Variants in GNG7 observed in about 807,000 individuals in gnomAD.
GNG7 encodes guanine nucleotide-binding protein G(I)/G(S)/G(O) subunit gamma-7.
In GNG7, 1 loss-of-function variant was observed where a neutral mutation model predicts 4.0. The ratio of observed to expected loss-of-function variants is 0.25; its 90% CI spans 0.09 to 1.18. GNG7 has a LOEUF of 1.18. Among genes scored for constraint, GNG7 ranks in the 50% most tolerant of loss-of-function variants. GNG7 has a pLI of 0.50. For synonymous variants in GNG7, 34 were observed against 36.9 expected (o/e 0.92, Z 0.29); for missense variants, 86 against 91.9 (o/e 0.94, Z 0.26).
intron 2 of GNG7, among the ~76,000 whole-genome samples, chr19:2,581,323 A>T (rs1324389709): frequency 4.8e-4 from 1 of 2,104 alleles, no homozygotes; most frequent in Non-Finnish European, 1.1e-3. Context: ...TGGAGGGGTG[A>T]TGGGGGTGGG....
chr19:2,681,874 T>C (rs1983744939), intron 1 of GNG7, among the ~76,000 whole-genome samples: 1 of 152,214 alleles, frequency 6.6e-6, no homozygotes, highest in Admixed American at 6.5e-5. Flanking sequence ...TGAGGACTGA[T>C]GCGGAGCATG....
rs77158403 is a variant in GNG7 at position 2,629,035 on chromosome 19, G to T, written c.-78+17189C>A. ...TCTGCCTAGGACTGTAGCTGTAAAA[G>T]ACATGGTGGCCATTGCTGCTGTAGG... On this transcript the variant is annotated intron_variant, in intron 2 of 4. Transcript: ENST00000382159. Among the ~76,000 whole-genome samples, 841 of 152,274 alleles carry T rather than the reference G, an allele frequency of 5.5e-3. 27 individuals are homozygous for T. The East Asian group carries it at 0.1, about 19-fold the overall frequency.
chr19:2,580,230 C>A (rs1980462299), intron 2 of GNG7, among the ~76,000 whole-genome samples: 1 of 152,154 alleles, frequency 6.6e-6, no homozygotes, highest in Admixed American at 6.5e-5. Flanking sequence ...CCCTTCATGC[C>A]TCTCTGTCTA....
At chr19:2,621,719 A>G (rs1049791978) in intron 2 of GNG7, among the ~76,000 whole-genome samples, 1 of 151,986 alleles carries the variant, frequency 6.6e-6, no homozygotes, top group Non-Finnish European at 1.5e-5. Flanking sequence ...AAACAAACAA[A>G]CAAAAACAAA....
intron 2 of GNG7, among the ~76,000 whole-genome samples, chr19:2,573,488 A>G (rs916786645): frequency 6.6e-6 from 1 of 152,094 alleles, no homozygotes; most frequent in Admixed American, 6.6e-5. Flanking sequence ...GCTTCCGACA[A>G]GCTGCTTCTG....
intron 1 of GNG7, among the ~76,000 whole-genome samples, chr19:2,663,434 C>A (rs1983229074): frequency 6.6e-6 from 1 of 151,952 alleles, no homozygotes; most frequent in Non-Finnish European, 1.5e-5. Context: ...AGAAGGCCCT[C>A]ACCAGATGCC....
At chr19:2,540,619 C>T (rs1420707866) in intron 3 of GNG7, among the ~76,000 whole-genome samples, 3 of 152,128 alleles carry the variant, frequency 2.0e-5, no homozygotes, top group African/African-American at 4.8e-5. Context: ...GGAGATTTTG[C>T]GGGGACCCTG....
chr19:2,577,645 G>A (rs1470695628), intron 2 of GNG7, among the ~76,000 whole-genome samples: 1 of 147,652 alleles, frequency 6.8e-6, no homozygotes, highest in Non-Finnish European at 1.5e-5. Flanking sequence ...AGGTTGCAGT[G>A]AGCCGAGATC....
chr19:2,694,224 G>A (rs1480013727), intron 1 of GNG7, among the ~76,000 whole-genome samples: 4 of 148,596 alleles, frequency 2.7e-5, no homozygotes, highest in African/African-American at 1.0e-4. Flanking sequence ...AGATTTTTTT[G>A]TTGCTTTTTT....
intron 2 of GNG7, chr19:2,642,678 A>G (rs1010699851): frequency 2.5e-6 from 1 of 401,898 alleles, no homozygotes; most frequent in Non-Finnish European, 5.0e-6. Context: ...TTTTCTGTAG[A>G]GTTTAGGATA....
intron 2 of GNG7, among the ~76,000 whole-genome samples, chr19:2,562,879 C>T (rs1398918305): frequency 2.0e-5 from 3 of 152,188 alleles, no homozygotes; most frequent in Non-Finnish European, 4.4e-5. Flanking sequence ...TTTACACCAT[C>T]GGCCCCATCG....
intron 2 of GNG7, among the ~76,000 whole-genome samples, chr19:2,577,096 G>A (rs551858082): frequency 5.3e-5 from 8 of 152,356 alleles, no homozygotes; most frequent in African/African-American, 1.4e-4. Context: ...GGTCCACCTC[G>A]CAAGCTGGGG....
Position 2,511,991 on chromosome 19 carries a change from G to A in GNG7, c.*3031C>T. The A allele has an allele frequency of 3.0e-6, 3 of 985,920 alleles. No individual in the cohort carries two copies. Among genetic ancestry groups the A allele is most frequent in the Non-Finnish European group, 3.6e-6 (3 of 829,962 alleles). The allele number at this position is 985,920 out of a possible 1,614,324, so 61.1% of individuals were successfully genotyped here. On this transcript the variant is annotated 3_prime_UTR_variant, in exon 5 of 5. Transcript: ENST00000382159. This position sits in a 1 kb window ranked among gnomAD's most constrained non-coding sequence, Gnocchi z 6.3. ...GCTGTGGCCCTTCACCTGGCTACTGGTGTCTCGCTCAGCAGCGGGGAAGGC... is the reference window on the plus strand; with the variant it reads ...GCTGTGGCCCTTCACCTGGCTACTGATGTCTCGCTCAGCAGCGGGGAAGGC...
chr19:2,693,033 G>A (rs192492497), intron 1 of GNG7, among the ~76,000 whole-genome samples: 41 of 152,008 alleles, frequency 2.7e-4, no homozygotes, highest in Admixed American at 1.4e-3. Flanking sequence ...GTTCATGTCT[G>A]TAATCCCAAC....
In GNG7 at chr19:2,512,086, T is replaced by C. The variant is rs1972664166; in HGVS notation, c.*2936A>G. The C allele has an allele frequency of 1.0e-6, 1 of 985,782 alleles. No individual in the cohort carries two copies. 61.1% of individuals were successfully genotyped at this position (985,782 alleles called of 1,614,324 possible). On this transcript the variant is annotated 3_prime_UTR_variant, in exon 5 of 5. Transcript: ENST00000382159. The surrounding 1 kb of genome is among the most constrained non-coding windows in gnomAD (Gnocchi z 4.7). The stretch of plus-strand genomic sequence containing the variant: ...CCCACCCGACGCTGCCTTGTGTGTG[T>C]GCGTGGGTGGGGGTGAGTGTCCTTA...
intron 2 of GNG7, among the ~76,000 whole-genome samples, chr19:2,623,118 CGG>C (rs544141511): frequency 6.6e-6 from 1 of 152,112 alleles, no homozygotes; most frequent in African/African-American, 2.4e-5. Context: ...CCAGAACAAA[CGG>C]GGTGTTCCAA....
At chr19:2,684,780 G>A (rs1983830144) in intron 1 of GNG7, among the ~76,000 whole-genome samples, 1 of 152,078 alleles carries the variant, frequency 6.6e-6, no homozygotes, top group African/African-American at 2.4e-5. Flanking sequence ...CCTGAGGTCA[G>A]GAGTTCACGA....
chr19:2,615,511 GGA>G (rs1981699991), intron 2 of GNG7, among the ~76,000 whole-genome samples: 1 of 144,044 alleles, frequency 6.9e-6, no homozygotes, highest in African/African-American at 2.6e-5. Flanking sequence ...TGCCCAGGCT[GGA>G]GTGCAGTGGT....
At chr19:2,516,713 C>A (rs994948268) in intron 4 of GNG7, among the ~76,000 whole-genome samples, 3 of 152,192 alleles carry the variant, frequency 2.0e-5, no homozygotes, top group African/African-American at 7.2e-5. Flanking sequence ...GGAGGTTTCA[C>A]GGTGACACCC....
Sources: allele counts gnomAD v4.1 joint callset (sites outside exome capture counted in the v4.1 genomes callset), GRCh38; gene constraint gnomAD v4.1.1; non-coding constraint Gnocchi (gnomAD v3.1); transcripts MANE v1.5; gene names NCBI Gene and HGNC (gene_info 2026-07-23, HGNC 2026-07-21).